The following FKBP1B variants were observed in gnomAD, a reference collection of about 807,000 sequenced individuals.
The protein encoded by FKBP1B is FKBP prolyl isomerase 1B.
A neutral mutation model predicts 13.5 loss-of-function variants in FKBP1B; 4 were observed. The observed-to-expected ratio is 0.30, with a 90% confidence interval of 0.15 to 0.68. The LOEUF (loss-of-function observed/expected upper bound fraction) is 0.68. Ranked by LOEUF, FKBP1B falls within the 30% of genes least tolerant of loss-of-function variation. The probability of loss-of-function intolerance (pLI) is 0.76; values close to 1 mark genes in which losing one functional copy is unlikely to be tolerated. For synonymous variants in FKBP1B, 54 were observed against 53.6 expected (o/e 1.01, Z -0.03); for missense variants, 93 against 136.2 (o/e 0.68, Z 1.58).
intron 2 of FKBP1B, among the ~76,000 whole-genome samples, chr2:24,057,665 G>T (rs550198925): frequency 6.6e-6 from 1 of 151,772 alleles, no homozygotes; most frequent in South Asian, 2.1e-4. Context: ...GAGCCACCGG[G>T]CCCGGCCACC....
At chr2:24,038,716 A>G in the FKBP1B span, 1 of 1,614,212 alleles carries the variant, frequency 6.2e-7, no homozygotes, top group Non-Finnish European at 8.5e-7. Context: ...CTCTTTATCC[A>G]TAGAGCGTAC....
intron 2 of FKBP1B, 83 bp from the exon 3 acceptor site, chr2:24,060,731 C>A: frequency 1.0e-6 from 1 of 967,274 alleles, no homozygotes; most frequent in South Asian, 1.4e-5. Flanking sequence ...GCAGAAAAGG[C>A]ATTCCATTTT....
chr2:24,040,144 T>C, the FKBP1B span, among the ~76,000 whole-genome samples: 1 of 152,112 alleles, frequency 6.6e-6, no homozygotes, highest in Admixed American at 6.6e-5. Context: ...ATTGTGGTTA[T>C]GCAGGACAAG....
At chr2:24,036,060 T>C in the FKBP1B span, among the ~76,000 whole-genome samples, 1 of 105,146 alleles carries the variant, frequency 9.5e-6, no homozygotes, top group African/African-American at 4.1e-5. Context: ...AGAGACTCCG[T>C]CTCAAAAATA....
intron 2 of FKBP1B, chr2:24,054,709 A>T (rs1664039950): frequency 6.5e-6 from 1 of 153,416 alleles, no homozygotes; most frequent in Non-Finnish European, 1.5e-5. Flanking sequence ...GATGGTGTGG[A>T]TGTTTTCAGC....
At chr2:24,037,172 A>G in the FKBP1B span, among the ~76,000 whole-genome samples, 1 of 152,128 alleles carries the variant, frequency 6.6e-6, no homozygotes, top group Non-Finnish European at 1.5e-5. Flanking sequence ...ACAGGCGCCC[A>G]TCACCATGCC....
At chr2:24,042,754 C>T in the FKBP1B span, among the ~76,000 whole-genome samples, 11 of 151,044 alleles carry the variant, frequency 7.3e-5, no homozygotes, top group Non-Finnish European at 1.6e-4. Context: ...GGGCCAGAGC[C>T]AGGCGCGGCG....
chr2:24,040,006 G>A, the FKBP1B span, among the ~76,000 whole-genome samples: 1 of 151,810 alleles, frequency 6.6e-6, no homozygotes, highest in Non-Finnish European at 1.5e-5. Flanking sequence ...TCACTATGTT[G>A]GCCAGGCTGG....
chr2:24,060,077 T>C (rs1664316374), intron 2 of FKBP1B, among the ~76,000 whole-genome samples: 1 of 151,794 alleles, frequency 6.6e-6, no homozygotes, highest in Non-Finnish European at 1.5e-5. Flanking sequence ...TGGGGAGCTA[T>C]TGAAGTATTT....
chr2:24,038,856 C>T, the FKBP1B span: 1 of 1,614,196 alleles, frequency 6.2e-7, no homozygotes, highest in Non-Finnish European at 8.5e-7. Context: ...CCTGTGAGTC[C>T]ACAGTTGCTG....
At chr2:24,052,114 C>T (rs1339856682) in intron 1 of FKBP1B, among the ~76,000 whole-genome samples, 1 of 152,198 alleles carries the variant, frequency 6.6e-6, no homozygotes, top group African/African-American at 2.4e-5. Flanking sequence ...GATTGCATGA[C>T]CTGTCAGCTC....
At chr2:24,049,549 C>T (rs1663744891), upstream of FKBP1B, 1 of 315,968 alleles carries the variant, frequency 3.2e-6, no homozygotes, top group Non-Finnish European at 5.8e-6. Context: ...TGTGGTTGTG[C>T]TTACCACGCT....
At chr2:24,061,314 C>T (rs1227128080) in intron 3 of FKBP1B, among the ~76,000 whole-genome samples, 6 of 152,024 alleles carry the variant, frequency 3.9e-5, no homozygotes, top group Non-Finnish European at 8.8e-5. Context: ...AAAATACAGG[C>T]GTGGTGGTGC....
chr2:24,063,474 CTTGTT>C lies in FKBP1B; in HGVS notation c.*283_*287del. On this transcript the variant is annotated 3_prime_UTR_variant, in exon 4 of 4. Coordinates refer to ENST00000380986, the MANE Select transcript of FKBP1B (RefSeq NM_004116.5). ...TTTCCTGATGACAGAACACAGATCT[CTTGTT>C]CGCACAATCTACACTGCCTTACCTT... is the stretch of plus-strand genomic sequence containing the variant. The C allele has an allele frequency of 1.1e-5, 4 of 356,324 alleles. No individual in the cohort carries two copies. The highest frequency in any genetic ancestry group is 7.7e-5 in the South Asian group (1 of 12,954). 22.1% of individuals were successfully genotyped at this position (356,324 alleles called of 1,614,324 possible).
At chr2:24,039,309 C>T in the FKBP1B span, 4 of 1,614,126 alleles carry the variant, frequency 2.5e-6, no homozygotes, top group African/African-American at 2.7e-5. Flanking sequence ...CCCAGGACAA[C>T]CCACAGACAC....
chr2:24,049,996 T>A (rs1301771735), intron 1 of FKBP1B, 110 bp downstream of exon 1: 1 of 824,636 alleles, frequency 1.2e-6, no homozygotes, highest in Non-Finnish European at 1.6e-6. Flanking sequence ...GTCGGGGGGC[T>A]GGATGGGGAA....
chr2:24,048,470 CAAAAAA>C (rs11367799), upstream of FKBP1B, among the ~76,000 whole-genome samples: 1 of 87,042 alleles, frequency 1.1e-5, no homozygotes. Context: ...GATTCTGTCT[CAAAAAA>C]AAAAAAAAAA....
rs1160854422 is a variant in FKBP1B, at chr2:24,060,947, A to G, written c.198+21A>G. The stretch of plus-strand genomic sequence containing the variant: ...CCCAGGTAGGATGAGGATTCGCATT[A>G]AAGGGGATCTGGGGAGTTGGGGATC... On this transcript the variant is annotated intron_variant, in intron 3 of 3. Transcript: ENST00000380986. The G allele has an allele frequency of 3.2e-6, 5 of 1,577,720 alleles. No individual in the cohort carries two copies. In the Admixed American group the frequency reaches 8.3e-5, roughly 26 times the overall value.
chr2:24,050,163 C>G lies in FKBP1B; in HGVS notation c.37+277C>G, dbSNP rs1161102218. On this transcript the variant is annotated intron_variant, in intron 1 of 3. Transcript: ENST00000380986. This position sits in a 1 kb window ranked among gnomAD's most constrained non-coding sequence, Gnocchi z 5.8. ...TGCGGCCCGCCACCGCCCCGGGCTTCTCCTGTCGCGGCTGCAGTCGTTCGG... is the reference window on the plus strand; with the variant it reads ...TGCGGCCCGCCACCGCCCCGGGCTTGTCCTGTCGCGGCTGCAGTCGTTCGG... Among the ~76,000 whole-genome samples, 5 of 152,286 alleles carry G rather than the reference C, an allele frequency of 3.3e-5. No individual in the cohort carries two copies. In the East Asian group the frequency reaches 9.7e-4, roughly 30 times the overall value.
Sources: allele counts gnomAD v4.1 joint callset (sites outside exome capture counted in the v4.1 genomes callset), GRCh38; gene constraint gnomAD v4.1.1; non-coding constraint Gnocchi (gnomAD v3.1); transcripts MANE v1.5; gene names NCBI Gene and HGNC (gene_info 2026-07-23, HGNC 2026-07-21).